The following EIF3D variants were observed in gnomAD, a reference collection of about 807,000 sequenced individuals.
EIF3D encodes eukaryotic translation initiation factor 3 subunit D, also known as eIF3 p66.
In EIF3D, 10 loss-of-function variants were observed where a neutral mutation model predicts 75.4. The ratio of observed to expected loss-of-function variants is 0.13; its 90% CI spans 0.08 to 0.22. The LOEUF (loss-of-function observed/expected upper bound fraction) is 0.22, where lower values mean the gene tolerates loss of function less well. Among genes scored for constraint, EIF3D ranks in the 10% least tolerant of loss-of-function variants. The probability of loss-of-function intolerance (pLI) is 1.00; values close to 1 mark genes in which losing one functional copy is unlikely to be tolerated. For synonymous variants in EIF3D, 246 were observed against 248.3 expected, an observed-to-expected ratio of 0.99 and a Z score of 0.09; for missense variants, 394 against 708.0, an observed-to-expected ratio of 0.56 and a Z score of 5.03.
intron 2 of EIF3D, 51 bp downstream of exon 2, chr22:36,525,948 G>A: frequency 6.4e-7 from 1 of 1,562,088 alleles, no homozygotes; most frequent in Non-Finnish European, 8.7e-7. Context: ...AGGGACTCGA[G>A]AGTAGCAGCC....
At chr22:36,525,168 C>T (rs1173462924) in intron 3 of EIF3D, among the ~76,000 whole-genome samples, 1 of 152,050 alleles carries the variant, frequency 6.6e-6, no homozygotes, top group East Asian at 1.9e-4. Context: ...AGGCAGCCAC[C>T]TCCAACTATC....
intron 4 of EIF3D, 73 bp from the exon 5 acceptor site, chr22:36,524,053 G>A (rs1456434706): frequency 2.4e-5 from 35 of 1,446,920 alleles, no homozygotes; most frequent in Non-Finnish European, 3.2e-5. Flanking sequence ...CAAGTGGGAG[G>A]TCTTTGGAGT....
intron 12 of EIF3D, among the ~76,000 whole-genome samples, chr22:36,513,168 T>C (rs796658118): frequency 2.0e-4 from 31 of 152,296 alleles, no homozygotes; most frequent in African/African-American, 7.5e-4. Context: ...TTTCTACCCA[T>C]ATCATTTGTA....
chr22:36,514,444 G>A (rs574564836), intron 12 of EIF3D, among the ~76,000 whole-genome samples: 7 of 152,332 alleles, frequency 4.6e-5, no homozygotes, highest in Admixed American at 3.9e-4. Context: ...TTTTGCAGAT[G>A]TAAGGCCGCA....
chr22:36,517,447 A>G lies in EIF3D; in HGVS notation c.860-16T>C. 6.2e-7 allele frequency: 1 copy of G among 1,602,844 alleles called. No individual in the cohort carries two copies. The highest frequency in any genetic ancestry group is 8.5e-7 in the Non-Finnish European group (1 of 1,174,974). On this transcript the variant is annotated splice_polypyrimidine_tract_variant and intron_variant, in intron 9 of 14. Transcript: ENST00000216190. The stretch of plus-strand genomic sequence containing the variant: ...GTCAGGAGGTCTGCAAAAGCGTGGC[A>G]TGGTCACTCACCATGCAACAAAGAG...
chr22:36,511,430 C>A, intron 14 of EIF3D, 73 bp downstream of exon 14: 1 of 1,578,576 alleles, frequency 6.3e-7, no homozygotes, highest in Non-Finnish European at 8.6e-7. Context: ...TTAAAGATCA[C>A]AATGGCTACA....
chr22:36,518,238 C>T (rs1016978850), intron 9 of EIF3D, among the ~76,000 whole-genome samples: 6 of 152,058 alleles, frequency 3.9e-5, no homozygotes, highest in South Asian at 2.1e-4. Context: ...CACCTCTAAT[C>T]GCAGCACTTT....
At chr22:36,512,777 C>G (rs538823064) in intron 12 of EIF3D, 175 bp from the exon 13 acceptor site, 2 of 681,162 alleles carry the variant, frequency 2.9e-6, no homozygotes, top group Admixed American at 3.2e-5. Context: ...CACAGCCTGC[C>G]GCACAGCAGT....
intron 1 of EIF3D, among the ~76,000 whole-genome samples, chr22:36,528,395 A>G (rs6000304): frequency 0.3 from 46,023 of 151,450 alleles, 8,925 homozygotes; most frequent in African/African-American, 0.56. Context: ...AAAGCCAGGG[A>G]TGAGATACCC....
At chr22:36,511,122 C>T in intron 14 of EIF3D, 122 bp from the exon 15 acceptor site, 1 of 1,223,262 alleles carries the variant, frequency 8.2e-7, no homozygotes, top group Non-Finnish European at 1.1e-6. Context: ...GAAGTTAAGC[C>T]TTTCAGATGC....
At position 36,516,788 on chromosome 22, in the gene EIF3D, C is replaced by A; in HGVS notation, c.993G>T (p.Gly331=). ...GGTTGGGGAAGTTGTATCTTTCCTT[C>A]CCCTGCAAAAACAAAGGTGTCACAA... The part of the protein sequence containing the change: ...HNFSQQCLRM[G]KERYNFPNPN... The change falls in exon 11 of 15, where the codon GGG becomes GGT. Residue 331 remains glycine (G), a splice_region_variant and synonymous_variant. Transcript: ENST00000216190. 1.9e-6 allele frequency: 3 copies of A among 1,614,120 alleles called. No homozygotes were observed. The highest frequency in any genetic ancestry group is 2.5e-6 in the Non-Finnish European group (3 of 1,179,954).
In EIF3D at chr22:36,516,943, C is replaced by T. The variant is rs1021423317; in HGVS notation, c.991-153G>A. 3 of 697,660 alleles carry T rather than the reference C, an allele frequency of 4.3e-6. No homozygotes were observed. In the East Asian group the frequency reaches 8.1e-5, roughly 19 times the overall value. The allele number at this position is 697,660 out of a possible 1,614,324, so 43.2% of individuals were successfully genotyped here. A position where few individuals can be genotyped will look rare whatever the true frequency, so the allele number is the denominator to read the frequency against. ...GAGCTCGCTGCCTGTTTTGTGCCTACTTGACCCCTCCCAACTGTTAGCACC... is the reference window on the plus strand; with the variant it reads ...GAGCTCGCTGCCTGTTTTGTGCCTATTTGACCCCTCCCAACTGTTAGCACC... On this transcript the variant is annotated intron_variant, in intron 10 of 14. Transcript: ENST00000216190.
At chr22:36,523,739 G>C (rs1231408052) in intron 5 of EIF3D, among the ~76,000 whole-genome samples, 156 bp downstream of exon 5, 2 of 152,220 alleles carry the variant, frequency 1.3e-5, no homozygotes, top group Non-Finnish European at 2.9e-5. Flanking sequence ...ACCAGCCTGA[G>C]AACGACAAGC....
intron 12 of EIF3D, 48 bp downstream of exon 12, chr22:36,516,430 G>A: frequency 1.2e-6 from 2 of 1,600,502 alleles, no homozygotes; most frequent in Non-Finnish European, 1.7e-6. Context: ...GCACTGTAGG[G>A]AATAGAGACA....
In EIF3D at chr22:36,516,461, T is replaced by C; in HGVS notation, c.1206+17A>G. 6.2e-7 allele frequency: 1 copy of C among 1,611,820 alleles called. No homozygotes were observed. Among genetic ancestry groups the C allele is most frequent in the Non-Finnish European group, 8.5e-7 (1 of 1,178,276 alleles). On this transcript the variant is annotated intron_variant, in intron 12 of 14. Transcript: ENST00000216190. ...AGACATGGTGTCACCAGGAGGGTGA[T>C]GGAGATGGCGGCTCACCCTGGAATC... is the stretch of plus-strand genomic sequence containing the variant.
At chr22:36,513,299 A>ATT (rs997681770) in intron 12 of EIF3D, among the ~76,000 whole-genome samples, 1 of 151,740 alleles carries the variant, frequency 6.6e-6, no homozygotes, top group East Asian at 1.9e-4. Context: ...TTTCTTTTAA[A>ATT]TTTTTTTTCT....
rs891363869 is a variant in EIF3D at position 36,513,625 on chromosome 22, G to C, written c.1207-1023C>G. Among the ~76,000 whole-genome samples, 26 of 152,192 alleles carry C rather than the reference G, an allele frequency of 1.7e-4. 1 individual carries two copies. The highest frequency in any genetic ancestry group is 1.6e-3 in the Admixed American group (24 of 15,268). On this transcript the variant is annotated intron_variant, in intron 12 of 14. Coordinates refer to ENST00000216190, the MANE Select transcript of EIF3D (RefSeq NM_003753.4). ...GCCAAGAATTCCTTTTATTTAGTTA[G>C]GGTCAAACCATGTATTAGTATTCTG... is the stretch of plus-strand genomic sequence containing the variant.
chr22:36,519,467 G>C lies in EIF3D; in HGVS notation c.649C>G (p.Leu217Val). The C allele has an allele frequency of 6.2e-7, 1 of 1,614,210 alleles. No individual in the cohort carries two copies. The highest frequency in any genetic ancestry group is 8.5e-7 in the Non-Finnish European group (1 of 1,180,032). ...DRITTRSEKPLRSIKRIFHTV... is the reference protein window; with the variant it reads ...DRITTRSEKPVRSIKRIFHTV... Reference sequence around the variant, plus strand: ...TGGAAGATGCGCTTGATGCTCCGCAGTGGCTTCTCACTCCTCGTGGTGATG... The same window carrying C: ...TGGAAGATGCGCTTGATGCTCCGCACTGGCTTCTCACTCCTCGTGGTGATG... The change falls in exon 8 of 15, where the codon CTG (leucine) becomes GTG (valine). Residue 217 changes from leucine (L) to valine (V), a missense_variant. Coordinates refer to ENST00000216190, the MANE Select transcript of EIF3D (RefSeq NM_003753.4).
intron 9 of EIF3D, among the ~76,000 whole-genome samples, chr22:36,517,850 C>T (rs901007221): frequency 4.6e-5 from 7 of 151,946 alleles, no homozygotes; most frequent in African/African-American, 9.7e-5. Context: ...TGGGTTCAAG[C>T]GATTCTCCTG....
Sources: allele counts gnomAD v4.1 joint callset (sites outside exome capture counted in the v4.1 genomes callset), GRCh38; gene constraint gnomAD v4.1.1; transcripts MANE v1.5; gene names NCBI Gene and HGNC (gene_info 2026-07-23, HGNC 2026-07-21).